The following PRR18 variants were observed in gnomAD, a reference collection of about 807,000 sequenced individuals.
The protein encoded by PRR18 is proline-rich protein 18.
For synonymous variants in PRR18, 228 were observed against 220.2 expected, an observed-to-expected ratio of 1.04 and a Z score of -0.32; for missense variants, 517 against 437.4, an observed-to-expected ratio of 1.18 and a Z score of -1.62.
rs568646927 is a variant in PRR18, at chr6:166,306,235, C to T, written c.*1020G>A. The T allele has an allele frequency of 6.6e-6, 1 of 152,020 alleles. No individual in the cohort carries two copies. The highest frequency in any genetic ancestry group is 2.1e-4 in the South Asian group (1 of 4,826). 9.4% of individuals were successfully genotyped at this position (152,020 alleles called of 1,614,324 possible). ...AGCAAAGACCTCCACAAGAAAAATA[C>T]AAAATCTGTTTTAAAAATGTAAGGC... On this transcript the variant is annotated 3_prime_UTR_variant, in exon 1 of 1. Transcript: ENST00000322583.
rs1300297493 is a variant in PRR18, at chr6:166,307,559, G to C, written c.584C>G (p.Pro195Arg). The C allele has an allele frequency of 8.3e-7, 1 of 1,211,830 alleles. No individual in the cohort carries two copies. The highest frequency in any genetic ancestry group is 3.2e-4 in the Middle Eastern group (1 of 3,164). 75.1% of individuals were successfully genotyped at this position (1,211,830 alleles called of 1,614,324 possible). A position where few individuals can be genotyped will look rare whatever the true frequency, so the allele number is the denominator to read the frequency against. Residue 195 changes from proline (P) to arginine (R), a missense_variant, in exon 1 of 1, where the codon CCC becomes CGC. Coordinates refer to ENST00000322583, the MANE Select transcript of PRR18 (RefSeq NM_175922.4). ...GPRRGGPASD[P>R]DAPPTAGQGR... ...CTGGCCGGCGGTGGGGGGTGCGTCG[G>C]GGTCGCTGGCGGGGCCGCCCCTCCG...
Position 166,307,820 on chromosome 6 carries a change from G to C in PRR18, c.323C>G (p.Ala108Gly), listed in dbSNP as rs1380873438. The C allele has an allele frequency of 1.4e-6, 2 of 1,405,786 alleles. No homozygotes were observed. The highest frequency in any genetic ancestry group is 2.5e-5 in the Admixed American group (1 of 39,638). 87.1% of individuals were successfully genotyped at this position (1,405,786 alleles called of 1,614,324 possible). Residue 108 changes from alanine to glycine, a missense_variant, in exon 1 of 1, where the codon GCG becomes GGG. Ala to Gly is a moderately conservative substitution (Grantham distance 60). Coordinates refer to ENST00000322583, the MANE Select transcript of PRR18 (RefSeq NM_175922.4). The part of the protein sequence containing the change: ...SGHSPARTTY[A>G]ATSAGTGTTA... ...GGTCCCCGTCCCCGCCGAGGTCGCC[G>C]CATAGGTGGTCCTCGCTGGGCTGTG... is the stretch of plus-strand genomic sequence containing the variant.
chr6:166,307,847 C>A lies in PRR18; in HGVS notation c.296G>T (p.Gly99Val), dbSNP rs1778132551. 2.4e-6 allele frequency: 3 copies of A among 1,273,172 alleles called. No homozygotes were observed. The highest frequency in any genetic ancestry group is 3.0e-6 in the Non-Finnish European group (3 of 1,009,128). The allele number at this position is 1,273,172 out of a possible 1,614,324, so 78.9% of individuals were successfully genotyped here. A position where few individuals can be genotyped will look rare whatever the true frequency, so the allele number is the denominator to read the frequency against. The change falls in exon 1 of 1, where the codon GGC (glycine) becomes GTC (valine). Residue 99 changes from glycine (G) to valine (V), a missense_variant. Gly to Val is a moderately radical substitution (Grantham distance 109). Coordinates refer to ENST00000322583, the MANE Select transcript of PRR18 (RefSeq NM_175922.4). The part of the protein sequence containing the change: ...TCAPPRPAGS[G>V]HSPARTTYAA... ...ATAGGTGGTCCTCGCTGGGCTGTGG[C>A]CGGAGCCTGCCGGCCGGGGCGGGGC...
rs1778129155 is a variant in PRR18, at chr6:166,307,750, G to C, written c.393C>G (p.Ser131=). ...TGAGATTCAGGCAGAAGCGCGCAGC[G>C]GAGTCTGGACAAGGCCCCGCCCCCG... is the stretch of plus-strand genomic sequence containing the variant. ...TSSGAGPCPD[S]AARFCLNLTP... Residue 131 remains serine (S), a synonymous_variant, in exon 1 of 1, where the codon TCC becomes TCG. Coordinates refer to ENST00000322583, the MANE Select transcript of PRR18 (RefSeq NM_175922.4). The C allele has an allele frequency of 4.0e-6, 6 of 1,512,304 alleles. No individual in the cohort carries two copies. The South Asian group carries it at 7.5e-5, about 19-fold the overall frequency. The allele number at this position is 1,512,304 out of a possible 1,614,324, so 93.7% of individuals were successfully genotyped here. A position where few individuals can be genotyped will look rare whatever the true frequency, so the allele number is the denominator to read the frequency against.
At position 166,308,381 on chromosome 6, in the gene PRR18, C is replaced by T. The variant is rs1396985078; in HGVS notation, c.-239G>A. 2.7e-6 allele frequency: 1 copy of T among 368,612 alleles called. No homozygotes were observed. Among genetic ancestry groups the T allele is most frequent in the Admixed American group, 4.7e-5 (1 of 21,056 alleles). The allele number at this position is 368,612 out of a possible 1,614,324, so 22.8% of individuals were successfully genotyped here. On this transcript the variant is annotated 5_prime_UTR_variant, in exon 1 of 1. Coordinates refer to ENST00000322583, the MANE Select transcript of PRR18 (RefSeq NM_175922.4). Reference sequence around the variant, plus strand: ...ACTGGACCCTGCAGGAACCGCCTCCCGCCGTCCGACTGTGGGCGAGTCGCG... The same window carrying T: ...ACTGGACCCTGCAGGAACCGCCTCCTGCCGTCCGACTGTGGGCGAGTCGCG...
rs1481786132 is a variant in PRR18, at chr6:166,308,101, C to CGGGGCG, written c.36_41dup (p.Ala13_Pro14dup). The CGGGGCG allele has an allele frequency of 2.8e-4, 349 of 1,233,000 alleles. 3 individuals carry two copies. The Middle Eastern group carries it at 5.9e-3, about 21-fold the overall frequency. 76.4% of individuals were successfully genotyped at this position (1,233,000 alleles called of 1,614,324 possible). A position where few individuals can be genotyped will look rare whatever the true frequency, so the allele number is the denominator to read the frequency against. ...GTAACTGGCGCGCGGCTTGGGCCCC[C>CGGGGCG]GGGGCGGGGGCGGGCGGCGGCGGCA... On this transcript the variant is annotated inframe_insertion, in exon 1 of 1. Transcript: ENST00000322583.
In PRR18 at chr6:166,307,962, C is replaced by T. The variant is rs1453617500; in HGVS notation, c.181G>A (p.Gly61Ser). 49 of 1,232,154 alleles carry T rather than the reference C, an allele frequency of 4.0e-5. No individual in the cohort carries two copies. Among genetic ancestry groups the T allele is most frequent in the Non-Finnish European group, 4.9e-5 (48 of 982,166 alleles). 76.3% of individuals were successfully genotyped at this position (1,232,154 alleles called of 1,614,324 possible). A position where few individuals can be genotyped will look rare whatever the true frequency, so the allele number is the denominator to read the frequency against. The change falls in exon 1 of 1, where the codon GGC becomes AGC. Residue 61 changes from glycine (G) to serine (S), a missense_variant. Transcript: ENST00000322583. ...GGCTGCGTCCTGTCCAGGCCGGGGC[C>T]GCGCCGGGCCGGCGGCCTCTTGAGC... ...ATLKRPPARR[G>S]PGLDRTQPPA...
Position 166,307,774 on chromosome 6 carries a change from CGAG to C in PRR18, c.366_368del (p.Ser123del), listed in dbSNP as rs749809611. ...CGGAGTCTGGACAAGGCCCCGCCCC[CGAG>C]GAGGTGCCCGCGGCGGTGGTCCCCG... On this transcript the variant is annotated inframe_deletion, in exon 1 of 1. Coordinates refer to ENST00000322583, the MANE Select transcript of PRR18 (RefSeq NM_175922.4). 3.4e-6 allele frequency: 5 copies of C among 1,484,408 alleles called. No homozygotes were observed. In the South Asian group the frequency reaches 6.6e-5, roughly 19 times the overall value. The allele number at this position is 1,484,408 out of a possible 1,614,324, so 92.0% of individuals were successfully genotyped here. A position where few individuals can be genotyped will look rare whatever the true frequency, so the allele number is the denominator to read the frequency against.
rs1220882802 is a variant in PRR18, at chr6:166,308,343, G to C, written c.-201C>G. The stretch of plus-strand genomic sequence containing the variant: ...CGCTCCCACCCTCCCCTCCTCCTGG[G>C]GGTGCTCCCGGGACTGGACCCTGCA... On this transcript the variant is annotated 5_prime_UTR_variant, in exon 1 of 1. Coordinates refer to ENST00000322583, the MANE Select transcript of PRR18 (RefSeq NM_175922.4). 9 of 443,992 alleles carry C rather than the reference G, an allele frequency of 2.0e-5. No individual in the cohort carries two copies. Among genetic ancestry groups the C allele is most frequent in the Non-Finnish European group, 2.9e-5 (8 of 273,376 alleles). 27.5% of individuals were successfully genotyped at this position (443,992 alleles called of 1,614,324 possible).
Position 166,307,322 on chromosome 6 carries a change from T to A in PRR18, c.821A>T (p.Glu274Val), listed in dbSNP as rs776929217. ...RKCTEWLRGV[E>V]SAAAARGRAG... ...CCGGCCCCGCGCGGCAGCCGCGGAC[T>A]CCACGCCGCGCAGCCACTCCGTGCA... Residue 274 changes from glutamate (E) to valine (V), a missense_variant, in exon 1 of 1, where the codon GAG (glutamate) becomes GTG (valine). Transcript: ENST00000322583. 2.6e-6 allele frequency: 4 copies of A among 1,558,676 alleles called. No individual in the cohort carries two copies. The highest frequency in any genetic ancestry group is 3.4e-6 in the Non-Finnish European group (4 of 1,161,466).
rs781027517 is a variant in PRR18, at chr6:166,307,297, CCGGCCCCGCG to C, written c.836_845del (p.Ala279GlyfsTer11). On this transcript the variant is annotated frameshift_variant, in exon 1 of 1. Transcript: ENST00000322583. LOFTEE classifies it high-confidence loss of function. The stretch of plus-strand genomic sequence containing the variant: ...GCCGCCGTGAGTCCAGGGCCCCCGC[CCGGCCCCGCG>C]CGGCAGCCGCGGACTCCACGCCGCG... 49 of 1,533,486 alleles carry C rather than the reference CCGGCCCCGCG, an allele frequency of 3.2e-5. 2 individuals carry two copies. The Admixed American group carries it at 9.6e-4, about 30-fold the overall frequency. The allele number at this position is 1,533,486 out of a possible 1,614,324, so 95.0% of individuals were successfully genotyped here. A position where few individuals can be genotyped will look rare whatever the true frequency, so the allele number is the denominator to read the frequency against.
chr6:166,308,211 G>C lies in PRR18; in HGVS notation c.-69C>G. On this transcript the variant is annotated 5_prime_UTR_variant, in exon 1 of 1. Coordinates refer to ENST00000322583, the MANE Select transcript of PRR18 (RefSeq NM_175922.4). Reference sequence around the variant, plus strand: ...CGGGCGCTCAGCCACTGTGCGCGGAGCGGGTCCCCGCAGTCCGGGCGGCCC... The same window carrying C: ...CGGGCGCTCAGCCACTGTGCGCGGACCGGGTCCCCGCAGTCCGGGCGGCCC... The C allele has an allele frequency of 8.2e-7, 1 of 1,219,080 alleles. No homozygotes were observed. The allele number at this position is 1,219,080 out of a possible 1,614,324, so 75.5% of individuals were successfully genotyped here. A position where few individuals can be genotyped will look rare whatever the true frequency, so the allele number is the denominator to read the frequency against.
At position 166,307,695 on chromosome 6, in the gene PRR18, G is replaced by C. The variant is rs2114869587; in HGVS notation, c.448C>G (p.Arg150Gly). ...GCCAGCAGCTGCTTCTCCAGATGACGCTTCTGGATGACCAGGACGGCCTCG... is the reference window on the plus strand; with the variant it reads ...GCCAGCAGCTGCTTCTCCAGATGACCCTTCTGGATGACCAGGACGGCCTCG... Reference protein sequence around the residue: ...TPEAVLVIQKRHLEKQLLARP... With the variant: ...TPEAVLVIQKGHLEKQLLARP... Residue 150 changes from arginine (R) to glycine (G), a missense_variant, in exon 1 of 1, where the codon CGT (arginine) becomes GGT (glycine). Coordinates refer to ENST00000322583, the MANE Select transcript of PRR18 (RefSeq NM_175922.4). 1 of 1,520,516 alleles carries C rather than the reference G, an allele frequency of 6.6e-7. No homozygotes were observed. The highest frequency in any genetic ancestry group is 1.2e-5 in the South Asian group (1 of 81,274). The allele number at this position is 1,520,516 out of a possible 1,614,324, so 94.2% of individuals were successfully genotyped here.
rs1343203411 is a variant in PRR18 at position 166,306,512 on chromosome 6, A to G, written c.*743T>C. 1 of 152,194 alleles carries G rather than the reference A, an allele frequency of 6.6e-6. No homozygotes were observed. The highest frequency in any genetic ancestry group is 2.4e-5 in the African/African-American group (1 of 41,426). 9.4% of individuals were successfully genotyped at this position (152,194 alleles called of 1,614,324 possible). ...AAAGGATATGGTTACGAAACAGCGG[A>G]GGAGCTTTACTCTCTATTCAAATAA... On this transcript the variant is annotated 3_prime_UTR_variant, in exon 1 of 1. Transcript: ENST00000322583.
chr6:166,307,645 T>A lies in PRR18; in HGVS notation c.498A>T (p.Ser166=). 1 of 1,430,202 alleles carries A rather than the reference T, an allele frequency of 7.0e-7. No homozygotes were observed. The highest frequency in any genetic ancestry group is 9.2e-7 in the Non-Finnish European group (1 of 1,083,800). The allele number at this position is 1,430,202 out of a possible 1,614,324, so 88.6% of individuals were successfully genotyped here. The change falls in exon 1 of 1, where the codon TCA becomes TCT. Residue 166 remains serine (S), a synonymous_variant. Transcript: ENST00000322583. ...GTAGGCGCCTGGGTTCGGCCGAGGG[T>A]GAGGGGAAGGGCCTGCGGGGCCGCG... ...LLARPRRPFP[S]PSAEPRRLLA...
Position 166,307,391 on chromosome 6 carries a change from T to A in PRR18, c.752A>T (p.Tyr251Phe). 6.3e-7 allele frequency: 1 copy of A among 1,578,112 alleles called. No homozygotes were observed. Among genetic ancestry groups the A allele is most frequent in the Non-Finnish European group, 8.5e-7 (1 of 1,170,022 alleles). The change falls in exon 1 of 1, where the codon TAC becomes TTC. Residue 251 changes from tyrosine (Y) to phenylalanine (F), a missense_variant. By Grantham distance (22) the Tyr-to-Phe change is conservative (BLOSUM62 3). Transcript: ENST00000322583. ...NERHRYDDVEYEEEPEAVDEG... is the reference protein window; with the variant it reads ...NERHRYDDVEFEEEPEAVDEG... Reference sequence around the variant, plus strand: ...GTCCACCGCCTCTGGCTCCTCCTCGTACTCCACGTCGTCGTACCTGTGCCG... The same window carrying A: ...GTCCACCGCCTCTGGCTCCTCCTCGAACTCCACGTCGTCGTACCTGTGCCG...
rs1038384971 is a variant in PRR18 at position 166,307,897 on chromosome 6, G to T, written c.246C>A (p.Ser82Arg). 30 of 1,233,730 alleles carry T rather than the reference G, an allele frequency of 2.4e-5. No homozygotes were observed. Among genetic ancestry groups the T allele is most frequent in the Non-Finnish European group, 2.9e-5 (29 of 988,764 alleles). 76.4% of individuals were successfully genotyped at this position (1,233,730 alleles called of 1,614,324 possible). The change falls in exon 1 of 1, where the codon AGC becomes AGA. Residue 82 changes from serine (S) to arginine (R), a missense_variant. Ser to Arg is a moderately radical substitution (Grantham distance 110, BLOSUM62 -1). Transcript: ENST00000322583. ...CGCACGTGGCTGGGGCCCGCGCGCG[G>T]CTGGGCAAGGCCTGGGGGGAGACGC... ...PPGVSPQALP[S>R]RARAPATCAP... is the part of the protein sequence containing the mutation.
Position 166,307,279 on chromosome 6 carries a change from T to C in PRR18, c.864A>G (p.Ser288=). The change falls in exon 1 of 1, where the codon TCA becomes TCG. Residue 288 remains serine (S), a synonymous_variant. Transcript: ENST00000322583. ...CTCACAGCGTGCTCAGGTGCCGCCG[T>C]GAGTCCAGGGCCCCCGCCCGGCCCC... ...AARGRAGALD[S]RRHLSTL 1 of 1,515,618 alleles carries C rather than the reference T, an allele frequency of 6.6e-7. No homozygotes were observed. Among genetic ancestry groups the C allele is most frequent in the Admixed American group, 2.1e-5 (1 of 48,152 alleles). The allele number at this position is 1,515,618 out of a possible 1,614,324, so 93.9% of individuals were successfully genotyped here. A position where few individuals can be genotyped will look rare whatever the true frequency, so the allele number is the denominator to read the frequency against.
At position 166,308,097 on chromosome 6, in the gene PRR18, C is replaced by A; in HGVS notation, c.46G>T (p.Ala16Ser). The A allele has an allele frequency of 2.4e-6, 3 of 1,233,500 alleles. No individual in the cohort carries two copies. Among genetic ancestry groups the A allele is most frequent in the East Asian group, 6.3e-5 (2 of 31,498 alleles). 76.4% of individuals were successfully genotyped at this position (1,233,500 alleles called of 1,614,324 possible). The change falls in exon 1 of 1, where the codon GCC (alanine) becomes TCC (serine). Residue 16 changes from alanine to serine, a missense_variant. Coordinates refer to ENST00000322583, the MANE Select transcript of PRR18 (RefSeq NM_175922.4). ...MPPPPAPAPG[A>S]QAARQLPRRP... is the part of the protein sequence containing the mutation. ...CGGGGTAACTGGCGCGCGGCTTGGG[C>A]CCCCGGGGCGGGGGCGGGCGGCGGC...
Sources: gnomAD v4.1 joint callset for allele counts on GRCh38, gnomAD v4.1.1 for gene constraint, MANE v1.5 for transcripts, NCBI Gene and HGNC (gene_info 2026-07-23, HGNC 2026-07-21) for gene names.